The following RHBDD1 variants were observed in gnomAD, a reference collection of about 807,000 sequenced individuals.
RHBDD1 encodes the protein rhomboid domain containing 1.
Under a neutral mutation model 36.3 loss-of-function variants are expected in RHBDD1, and 38 were observed. That is an observed-to-expected ratio of 1.05 (90% CI 0.81 to 1.37). The LOEUF (loss-of-function observed/expected upper bound fraction) is 1.37, where lower values mean the gene tolerates loss of function less well. RHBDD1 is among the 40% of genes most tolerant of loss of function. The pLI is 0.00. For missense variants in RHBDD1, 393 were observed against 377.6 expected (o/e 1.04, Z -0.34); for synonymous variants, 151 against 136.5 (o/e 1.11, Z -0.74).
chr2:226,831,635 G>C (rs1940742665), upstream of RHBDD1, among the ~76,000 whole-genome samples: 1 of 152,072 alleles, frequency 6.6e-6, no homozygotes, highest in Non-Finnish European at 1.5e-5. Context: ...CCAACACTTT[G>C]ATCGAGCTTC....
intron 5 of RHBDD1, among the ~76,000 whole-genome samples, chr2:226,878,326 A>G (rs1333141388): frequency 6.6e-6 from 1 of 152,140 alleles, no homozygotes; most frequent in African/African-American, 2.4e-5. Context: ...GCTAATAGCA[A>G]TTTAGAAGAT....
intron 5 of RHBDD1, among the ~76,000 whole-genome samples, chr2:226,890,440 G>A (rs1335729166): frequency 2.0e-5 from 3 of 152,196 alleles, no homozygotes; most frequent in Non-Finnish European, 4.4e-5. Flanking sequence ...ATCTGCATTA[G>A]TATTTCTTCA....
Position 226,840,495 on chromosome 2 carries a change from C to T in RHBDD1, c.-91+868C>T, listed in dbSNP as rs188254142. Among the ~76,000 whole-genome samples, 57 of 152,262 alleles carry T rather than the reference C, an allele frequency of 3.7e-4. 2 individuals carry two copies. In the South Asian group the frequency reaches 0.011, roughly 30 times the overall value. ...TGAAAAACCTTGGTGATGCACTGCA[C>T]GCTTTAACATAATACCCTATTTCAT... is the stretch of plus-strand genomic sequence containing the variant. On this transcript the variant is annotated intron_variant, in intron 3 of 8. Transcript: ENST00000392062.
At chr2:226,880,170 A>G (rs1370143323) in intron 5 of RHBDD1, among the ~76,000 whole-genome samples, 1 of 152,106 alleles carries the variant, frequency 6.6e-6, no homozygotes, top group Non-Finnish European at 1.5e-5. Context: ...AGCTTGGATG[A>G]CAAGTGTATA....
chr2:226,990,420 T>C (rs914771313), intron 8 of RHBDD1, among the ~76,000 whole-genome samples: 3 of 152,198 alleles, frequency 2.0e-5, no homozygotes, highest in Non-Finnish European at 4.4e-5. Context: ...ATTGCCTCTT[T>C]AGCTCCCTAA....
intron 8 of RHBDD1, among the ~76,000 whole-genome samples, chr2:226,972,941 A>AC (rs1559327984): frequency 6.6e-6 from 1 of 151,790 alleles, no homozygotes; most frequent in African/African-American, 2.4e-5. Flanking sequence ...AAAAAAAAAA[A>AC]AAAACAAAAA....
At chr2:226,824,632 A>G in the RHBDD1 span, among the ~76,000 whole-genome samples, 3 of 152,196 alleles carry the variant, frequency 2.0e-5, no homozygotes, top group African/African-American at 7.2e-5. Flanking sequence ...TCCAAGCCCT[A>G]TGGTAGTAAT....
intron 8 of RHBDD1, among the ~76,000 whole-genome samples, chr2:226,958,965 A>T (rs1951987213): frequency 6.6e-6 from 1 of 152,276 alleles, no homozygotes; most frequent in East Asian, 1.9e-4. Flanking sequence ...GGTTAGCGCG[A>T]TAAACCTCAA....
chr2:226,867,143 C>G (rs1464423135), intron 4 of RHBDD1, 43 bp from the exon 5 acceptor site: 2 of 1,546,822 alleles, frequency 1.3e-6, no homozygotes. Context: ...GATACTCCTA[C>G]TTTTGGATTG....
intron 8 of RHBDD1, among the ~76,000 whole-genome samples, chr2:226,962,337 G>A (rs1952269504): frequency 6.6e-6 from 1 of 152,212 alleles, no homozygotes; most frequent in African/African-American, 2.4e-5. Flanking sequence ...GTCTTTCCAA[G>A]TGCCTTGATA....
At chr2:226,918,363 CAA>C in intron 8 of RHBDD1, among the ~76,000 whole-genome samples, 1 of 150,662 alleles carries the variant, frequency 6.6e-6, no homozygotes, top group East Asian at 1.9e-4. Flanking sequence ...TTTAAATGTA[CAA>C]AAAAAAATTG....
the RHBDD1 span, among the ~76,000 whole-genome samples, chr2:226,823,496 A>C: frequency 6.6e-6 from 1 of 152,210 alleles, no homozygotes; most frequent in African/African-American, 2.4e-5. Flanking sequence ...AAATGGATAA[A>C]ATGGTGCACT....
chr2:226,904,570 T>A (rs1358683744), intron 5 of RHBDD1, among the ~76,000 whole-genome samples: 1 of 152,182 alleles, frequency 6.6e-6, no homozygotes, highest in Admixed American at 6.5e-5. Flanking sequence ...CGTGTGCATG[T>A]ATGTGAGGGC....
At position 226,841,489 on chromosome 2, in the gene RHBDD1, G is replaced by A. The variant is rs1941631401; in HGVS notation, c.-91+1862G>A. ...CCCTGACAGGCCCCAGTGTGTGGTG[G>A]CTCCCTGCTCTGTGTCCATGTGTTC... On this transcript the variant is annotated intron_variant, in intron 3 of 8. Transcript: ENST00000392062. 2.6e-5 allele frequency among the ~76,000 whole-genome samples: 4 copies of A among 152,096 alleles called. 1 individual carries two copies. The South Asian group carries it at 8.3e-4, about 32-fold the overall frequency.
intron 3 of RHBDD1, among the ~76,000 whole-genome samples, chr2:226,847,912 A>G (rs2125049463): frequency 6.6e-6 from 1 of 152,348 alleles, no homozygotes; most frequent in African/African-American, 2.4e-5. Flanking sequence ...AAAGCCAAGC[A>G]TGGAACGCCT....
chr2:226,916,223 A>G (rs1948899792), intron 8 of RHBDD1, among the ~76,000 whole-genome samples: 1 of 152,198 alleles, frequency 6.6e-6, no homozygotes. Context: ...CACCTCTTGG[A>G]GGAACCGCAA....
At chr2:226,821,621 AT>A in the RHBDD1 span, among the ~76,000 whole-genome samples, 1 of 152,010 alleles carries the variant, frequency 6.6e-6, no homozygotes, top group South Asian at 2.1e-4. Context: ...TTATTAAGTA[AT>A]TGTGAGTTGT....
intron 5 of RHBDD1, among the ~76,000 whole-genome samples, chr2:226,890,665 A>G (rs187783289): frequency 2.6e-5 from 4 of 152,340 alleles, no homozygotes; most frequent in African/African-American, 4.8e-5. Context: ...TGTGTTACAT[A>G]CATTCCAATT....
At chr2:226,827,925 A>G in the RHBDD1 span, among the ~76,000 whole-genome samples, 1 of 152,234 alleles carries the variant, frequency 6.6e-6, no homozygotes, top group Non-Finnish European at 1.5e-5. Flanking sequence ...CCATACGTGT[A>G]CAGACTGGTT....
Sources: allele counts gnomAD v4.1 joint callset (sites outside exome capture counted in the v4.1 genomes callset), GRCh38; gene constraint gnomAD v4.1.1; transcripts MANE v1.5; gene names NCBI Gene and HGNC (gene_info 2026-07-23, HGNC 2026-07-21).